The following PKIG variants were observed in gnomAD, a reference collection of about 807,000 sequenced individuals.
The protein encoded by PKIG is cAMP-dependent protein kinase inhibitor gamma.
Under a neutral mutation model 6.8 loss-of-function variants are expected in PKIG, and 1 was observed. That is an observed-to-expected ratio of 0.15 (90% CI 0.05 to 0.69). The LOEUF (loss-of-function observed/expected upper bound fraction) is 0.69. Among genes scored for constraint, PKIG ranks in the 30% least tolerant of loss-of-function variants. The pLI is 0.82. For synonymous variants in PKIG, 39 were observed against 43.0 expected (o/e 0.91, Z 0.36); for missense variants, 77 against 104.0 (o/e 0.74, Z 1.13).
intron 1 of PKIG, among the ~76,000 whole-genome samples, chr20:44,570,565 G>A (rs561545778): frequency 6.6e-6 from 1 of 152,270 alleles, no homozygotes; most frequent in East Asian, 1.9e-4. Context: ...TCTCTAAAAT[G>A]GAAGGATAAC....
chr20:44,604,635 A>T (rs1483899533), intron 2 of PKIG, among the ~76,000 whole-genome samples: 48 of 152,244 alleles, frequency 3.2e-4, no homozygotes, highest in Non-Finnish European at 2.9e-5. Context: ...AATCGTGCCT[A>T]CTCGTTGTGT....
At chr20:44,538,146 A>G (rs1442071548) in intron 1 of PKIG, among the ~76,000 whole-genome samples, 1 of 152,128 alleles carries the variant, frequency 6.6e-6, no homozygotes, top group Non-Finnish European at 1.5e-5. Context: ...ACTTAGCTCC[A>G]CTCCCACAAA....
chr20:44,553,936 G>C (rs958700382), intron 1 of PKIG, among the ~76,000 whole-genome samples: 1 of 152,120 alleles, frequency 6.6e-6, no homozygotes, highest in African/African-American at 2.4e-5. Context: ...GAGTCTTGGG[G>C]TCGAGAGAAG....
intron 2 of PKIG, among the ~76,000 whole-genome samples, chr20:44,610,872 TA>T (rs1387139740): frequency 6.6e-6 from 1 of 152,106 alleles, no homozygotes; most frequent in African/African-American, 2.4e-5. Flanking sequence ...ATTTCTTTAT[TA>T]TTTTTTTTTT....
At chr20:44,573,700 A>G (rs2064872803) in intron 1 of PKIG, among the ~76,000 whole-genome samples, 1 of 152,216 alleles carries the variant, frequency 6.6e-6, no homozygotes, top group African/African-American at 2.4e-5. Flanking sequence ...TCATCTGTAA[A>G]ATGGGAACAT....
chr20:44,610,931 A>T (rs1244116489), intron 2 of PKIG, among the ~76,000 whole-genome samples: 1 of 151,846 alleles, frequency 6.6e-6, no homozygotes, highest in Non-Finnish European at 1.5e-5. Context: ...TGATGTTTTG[A>T]TACATATATG....
chr20:44,599,994 G>T (rs1410469841), intron 2 of PKIG, among the ~76,000 whole-genome samples: 3 of 152,166 alleles, frequency 2.0e-5, no homozygotes, highest in Non-Finnish European at 4.4e-5. Flanking sequence ...AGGAGGCTTT[G>T]TGCCCTACAG....
chr20:44,599,216 A>C (rs2065099581), intron 2 of PKIG, among the ~76,000 whole-genome samples: 1 of 152,160 alleles, frequency 6.6e-6, no homozygotes, highest in African/African-American at 2.4e-5. Flanking sequence ...GGTACTTTTC[A>C]GTAAATCCAT....
At chr20:44,552,702 GT>G (rs1456741252) in intron 1 of PKIG, among the ~76,000 whole-genome samples, 2 of 152,156 alleles carry the variant, frequency 1.3e-5, no homozygotes, top group African/African-American at 2.4e-5. Flanking sequence ...TTGTTGTAAA[GT>G]TTAAAGATGA....
chr20:44,597,248 T>G lies in PKIG; in HGVS notation c.-24+7382T>G, dbSNP rs560360808. 3.1e-4 allele frequency among the ~76,000 whole-genome samples: 23 copies of G among 74,990 alleles called. 1 individual carries two copies. The highest frequency in any genetic ancestry group is 1.3e-3 in the African/African-American group (23 of 17,910). The allele number at this position is 74,990 out of a possible 152,430, so 49.2% of individuals were successfully genotyped here. On this transcript the variant is annotated intron_variant, in intron 2 of 3. Transcript: ENST00000372886. ...CCCGGCATTATTAGAATAATAATAA[T>G]CCCCCACCAGATCCCCCCACCTGGC...
chr20:44,543,020 A>G (rs931826341), intron 1 of PKIG, among the ~76,000 whole-genome samples: 2 of 152,208 alleles, frequency 1.3e-5, no homozygotes, highest in Non-Finnish European at 2.9e-5. Context: ...GCTTTTATGT[A>G]TTCATAAGGA....
At chr20:44,562,915 T>G (rs913181134) in intron 1 of PKIG, among the ~76,000 whole-genome samples, 1 of 152,032 alleles carries the variant, frequency 6.6e-6, no homozygotes, top group Non-Finnish European at 1.5e-5. Flanking sequence ...AAAAATTAGC[T>G]GGGCGTGGTG....
intron 1 of PKIG, among the ~76,000 whole-genome samples, chr20:44,548,854 C>CCACACACACACA (rs11469110): frequency 6.6e-5 from 9 of 135,660 alleles, no homozygotes; most frequent in African/African-American, 1.5e-4. Flanking sequence ...ACTCCTCCCA[C>CCACACACACACA]CACACACACA....
chr20:44,545,540 CT>C, intron 1 of PKIG, among the ~76,000 whole-genome samples: 1 of 152,188 alleles, frequency 6.6e-6, no homozygotes, highest in East Asian at 1.9e-4. Flanking sequence ...TATGGAGATT[CT>C]GACAGATAGG....
At chr20:44,615,864 C>G (rs2065259827) in intron 3 of PKIG, among the ~76,000 whole-genome samples, 2 of 152,294 alleles carry the variant, frequency 1.3e-5, no homozygotes, top group East Asian at 3.9e-4. Context: ...AGTTGGAGGA[C>G]TTGCTCTGGG....
At chr20:44,566,996 T>C (rs919702290) in intron 1 of PKIG, among the ~76,000 whole-genome samples, 1 of 152,234 alleles carries the variant, frequency 6.6e-6, no homozygotes, top group Non-Finnish European at 1.5e-5. Flanking sequence ...GAGTTTTGTC[T>C]GCATTCCCTT....
At chr20:44,562,634 AAAAG>A (rs2123250892) in intron 1 of PKIG, among the ~76,000 whole-genome samples, 1 of 152,104 alleles carries the variant, frequency 6.6e-6, no homozygotes, top group Non-Finnish European at 1.5e-5. Flanking sequence ...TGCTTAAAAA[AAAAG>A]AGTGAAAAAG....
chr20:44,542,077 G>C (rs369503470), intron 1 of PKIG, among the ~76,000 whole-genome samples: 10 of 152,266 alleles, frequency 6.6e-5, no homozygotes, highest in East Asian at 1.9e-4. Flanking sequence ...TATTTCCGGG[G>C]AGGCTAATAA....
chr20:44,564,107 A>G (rs909003040), intron 1 of PKIG: 1 of 152,156 alleles, frequency 6.6e-6, no homozygotes, highest in Non-Finnish European at 1.5e-5. Context: ...TCATATTTTT[A>G]CATTTGGATT....
Sources: gnomAD v4.1 joint callset for allele counts (sites outside exome capture counted in the v4.1 genomes callset) on GRCh38, gnomAD v4.1.1 for gene constraint, MANE v1.5 for transcripts, NCBI Gene and HGNC (gene_info 2026-07-23, HGNC 2026-07-21) for gene names.